The following TASP1 variants were observed in gnomAD, a reference collection of about 807,000 sequenced individuals.
The protein encoded by TASP1 is threonine aspartase 1.
A neutral mutation model predicts 56.6 loss-of-function variants in TASP1; 16 were observed. That is an observed-to-expected ratio of 0.28 (90% CI 0.19 to 0.43). The LOEUF (loss-of-function observed/expected upper bound fraction) is 0.43. TASP1 is among the 20% of genes least tolerant of loss of function. The probability of loss-of-function intolerance (pLI) is 1.00; values close to 1 mark genes in which losing one functional copy is unlikely to be tolerated. For missense variants in TASP1, 393 were observed against 511.6 expected (o/e 0.77, Z 2.24); for synonymous variants, 179 against 184.2 (o/e 0.97, Z 0.23).
At chr20:13,136,349 C>A in the TASP1 span, among the ~76,000 whole-genome samples, 1 of 152,022 alleles carries the variant, frequency 6.6e-6, no homozygotes, top group Non-Finnish European at 1.5e-5. Context: ...GTAATTCCAG[C>A]ACTTTGCGAG....
chr20:13,448,262 T>C (rs2043485087), intron 11 of TASP1, among the ~76,000 whole-genome samples: 1 of 152,124 alleles, frequency 6.6e-6, no homozygotes, highest in Non-Finnish European at 1.5e-5. Context: ...TTGAAATACA[T>C]TTTTAATCAC....
chr20:13,338,169 T>C, the TASP1 span, among the ~76,000 whole-genome samples: 1 of 152,188 alleles, frequency 6.6e-6, no homozygotes, highest in Non-Finnish European at 1.5e-5. Context: ...GGGTGGATTA[T>C]TTGTGAGTTT....
At chr20:13,590,307 C>G (rs545648462) in intron 4 of TASP1, among the ~76,000 whole-genome samples, 1 of 152,126 alleles carries the variant, frequency 6.6e-6, no homozygotes, top group Non-Finnish European at 1.5e-5. Flanking sequence ...CAACAAAATA[C>G]TACTTCAAAC....
At chr20:13,422,626 T>A (rs1374999265) in intron 12 of TASP1, among the ~76,000 whole-genome samples, 1 of 152,162 alleles carries the variant, frequency 6.6e-6, no homozygotes, top group Non-Finnish European at 1.5e-5. Flanking sequence ...GACACTACCA[T>A]CTTCTCGCAC....
chr20:13,582,734 A>G (rs1200717767), intron 5 of TASP1, among the ~76,000 whole-genome samples: 1 of 152,222 alleles, frequency 6.6e-6, no homozygotes, highest in Non-Finnish European at 1.5e-5. Flanking sequence ...AAAGAACACA[A>G]AGGTAAAAGC....
chr20:13,443,193 C>G (rs1242369913), intron 11 of TASP1, among the ~76,000 whole-genome samples: 1 of 152,162 alleles, frequency 6.6e-6, no homozygotes, highest in African/African-American at 2.4e-5. Context: ...CAGCTGGAAC[C>G]AGTGCTCAAC....
At chr20:13,437,078 T>C (rs1002395929) in intron 11 of TASP1, among the ~76,000 whole-genome samples, 2 of 151,874 alleles carry the variant, frequency 1.3e-5, no homozygotes, top group Non-Finnish European at 2.9e-5. Context: ...TAGACCAATA[T>C]CCCTGATGAA....
chr20:13,576,342 G>GAAGAAAGAAAGAAAGAAAGAAAGA (rs71188165), intron 6 of TASP1, among the ~76,000 whole-genome samples: 4 of 131,742 alleles, frequency 3.0e-5, no homozygotes, highest in Admixed American at 1.6e-4. Flanking sequence ...AGAAAGAAAG[G>GAAGAAAGAAAGAAAGAAAGAAAGA]AAGAAAGAAA....
intron 13 of TASP1, chr20:13,393,313 C>A (rs1252609477): frequency 2.6e-6 from 2 of 757,656 alleles, no homozygotes; most frequent in East Asian, 2.7e-5. Flanking sequence ...ACTGGCACTG[C>A]CAAGGCTGTG....
At chr20:13,337,792 G>A in the TASP1 span, among the ~76,000 whole-genome samples, 11 of 152,198 alleles carry the variant, frequency 7.2e-5, no homozygotes, top group Non-Finnish European at 1.0e-4. Flanking sequence ...AAATGTGAGT[G>A]CTTCAGTTAA....
the TASP1 span, among the ~76,000 whole-genome samples, chr20:13,106,859 A>T: frequency 6.6e-6 from 1 of 152,174 alleles, no homozygotes; most frequent in African/African-American, 2.4e-5. Context: ...GAACTAGCAA[A>T]CTGTCTCTTC....
the TASP1 span, among the ~76,000 whole-genome samples, chr20:13,350,870 A>G: frequency 6.6e-6 from 1 of 151,130 alleles, no homozygotes; most frequent in African/African-American, 2.4e-5. Flanking sequence ...CAGCTAATTT[A>G]TTTTATTTTT....
At chr20:13,436,871 C>T (rs1033969604) in intron 11 of TASP1, among the ~76,000 whole-genome samples, 2 of 152,026 alleles carry the variant, frequency 1.3e-5, no homozygotes, top group African/African-American at 2.4e-5. Context: ...GTTTTTAGTT[C>T]GGCTTAGCGT....
Position 13,469,792 on chromosome 20 carries a change from C to CTTTTTTTTTTTTTTTTTTTTT in TASP1, c.985+13414_985+13434dup, listed in dbSNP as rs546419566. On this transcript the variant is annotated intron_variant, in intron 11 of 13. Transcript: ENST00000337743. ...ACAGTTGTCCAGGTCAATAAATGTCCTTTTTTTTTTTTTTTTTTTTTTTTT... is the reference window on the plus strand; with the variant it reads ...ACAGTTGTCCAGGTCAATAAATGTCCTTTTTTTTTTTTTTTTTTTTTTTTTTTTTTTTTTTTTTTTTTTTTT... 3.3e-4 allele frequency among the ~76,000 whole-genome samples: 13 copies of CTTTTTTTTTTTTTTTTTTTTT among 39,546 alleles called. 4 individuals carry two copies. The highest frequency in any genetic ancestry group is 4.4e-4 in the African/African-American group (5 of 11,436). 25.9% of individuals were successfully genotyped at this position (39,546 alleles called of 152,430 possible).
At chr20:13,443,666 T>G (rs1219318606) in intron 11 of TASP1, among the ~76,000 whole-genome samples, 1 of 152,232 alleles carries the variant, frequency 6.6e-6, no homozygotes, top group Non-Finnish European at 1.5e-5. Flanking sequence ...ACCCACTTAT[T>G]GTATTTGTGC....
At chr20:13,568,547 A>G (rs2046612395) in intron 7 of TASP1, among the ~76,000 whole-genome samples, 2 of 152,314 alleles carry the variant, frequency 1.3e-5, no homozygotes, top group South Asian at 4.1e-4. Context: ...AGATTCAATC[A>G]TTATCAGAGA....
At position 13,433,841 on chromosome 20, in the gene TASP1, T is replaced by TAAAAA. The variant is rs111973613; in HGVS notation, c.1096+1198_1096+1202dup. 1.3e-3 allele frequency among the ~76,000 whole-genome samples: 150 copies of TAAAAA among 116,156 alleles called. 4 individuals carry two copies. The highest frequency in any genetic ancestry group is 4.6e-3 in the African/African-American group (138 of 29,860). 76.2% of individuals were successfully genotyped at this position (116,156 alleles called of 152,430 possible). On this transcript the variant is annotated intron_variant, in intron 12 of 13. Transcript: ENST00000337743. Reference sequence around the variant, plus strand: ...CGTGGATGACCTATAGTGTTTGTATTAAAAAAAAAAAAAAAAAAACAGAAG... The same window carrying TAAAAA: ...CGTGGATGACCTATAGTGTTTGTATTAAAAAAAAAAAAAAAAAAAAAAAACAGAAG...
chr20:13,253,071 G>A, the TASP1 span, among the ~76,000 whole-genome samples: 1 of 152,204 alleles, frequency 6.6e-6, no homozygotes, highest in Non-Finnish European at 1.5e-5. Flanking sequence ...CACAGCGAGG[G>A]AGAAATCAGT....
At chr20:13,107,650 C>A in the TASP1 span, among the ~76,000 whole-genome samples, 21 of 152,254 alleles carry the variant, frequency 1.4e-4, no homozygotes, top group African/African-American at 4.8e-4. Flanking sequence ...ATCCACCATT[C>A]TTCCAATTCT....
Sources: allele counts gnomAD v4.1 joint callset (sites outside exome capture counted in the v4.1 genomes callset), GRCh38; gene constraint gnomAD v4.1.1; transcripts MANE v1.5; gene names NCBI Gene and HGNC (gene_info 2026-07-23, HGNC 2026-07-21).